The following BTG4 variants were observed in gnomAD, a reference collection of about 807,000 sequenced individuals.
The protein encoded by BTG4 is BTG anti-proliferation factor 4.
Under a neutral mutation model 19.3 loss-of-function variants are expected in BTG4, and 10 were observed. The ratio of observed to expected loss-of-function variants is 0.52; its 90% CI spans 0.32 to 0.88. The LOEUF (loss-of-function observed/expected upper bound fraction) is 0.88. BTG4 is among the 40% of genes least tolerant of loss of function. The pLI, the probability that BTG4 is intolerant of heterozygous loss-of-function variation, is 0.04. For synonymous variants in BTG4, 91 were observed against 95.7 expected (o/e 0.95, Z 0.29); for missense variants, 238 against 281.9 (o/e 0.84, Z 1.11).
At chr11:111,397,145 C>T in the BTG4 span, 2 of 152,200 alleles carry the variant, frequency 1.3e-5, no homozygotes, top group African/African-American at 4.8e-5. Flanking sequence ...ATCCGTATGA[C>T]ACCCATCTCC....
At chr11:111,455,515 AGTG>A in the BTG4 span, 1 of 244,584 alleles carries the variant, frequency 4.1e-6, no homozygotes, top group Non-Finnish European at 8.4e-6. Flanking sequence ...AGGCAGGAGC[AGTG>A]GGCCTCTTTC....
chr11:111,423,471 G>A, the BTG4 span, among the ~76,000 whole-genome samples: 1 of 152,122 alleles, frequency 6.6e-6, no homozygotes, highest in Non-Finnish European at 1.5e-5. Context: ...CCACTGCACC[G>A]ATCTCAAAGC....
intron 5 of BTG4, chr11:111,470,075 C>T (rs775455669): frequency 6.6e-6 from 1 of 152,576 alleles, no homozygotes; most frequent in Admixed American, 6.5e-5. Context: ...ATATTTCTGA[C>T]CTCAAGCCAC....
chr11:111,457,380 G>A, the BTG4 span: 18 of 152,882 alleles, frequency 1.2e-4, no homozygotes, highest in East Asian at 3.9e-4. Context: ...CCTGGGAGTC[G>A]GGTTGGATGA....
At chr11:111,383,856 A>G in the BTG4 span, among the ~76,000 whole-genome samples, 61 of 152,340 alleles carry the variant, frequency 4.0e-4, no homozygotes, top group African/African-American at 1.4e-3. Flanking sequence ...CCAGCTGAGC[A>G]TGGGACAGCT....
chr11:111,481,968 C>T (rs1436712776), intron 5 of BTG4, among the ~76,000 whole-genome samples: 1 of 151,396 alleles, frequency 6.6e-6, no homozygotes, highest in Non-Finnish European at 1.5e-5. Context: ...AAAGTTACAC[C>T]CATGAAAAGC....
At chr11:111,505,633 G>A (rs1345911022) in intron 1 of BTG4, among the ~76,000 whole-genome samples, 1 of 151,650 alleles carries the variant, frequency 6.6e-6, no homozygotes, top group Non-Finnish European at 1.5e-5. Context: ...TAGAGAAATA[G>A]GACATAAACT....
the BTG4 span, chr11:111,397,480 C>G: frequency 4.6e-5 from 7 of 152,290 alleles, no homozygotes; most frequent in African/African-American, 1.7e-4. Context: ...TTCTCTCTGT[C>G]TAGAATGTTC....
chr11:111,386,803 A>G, the BTG4 span, among the ~76,000 whole-genome samples: 936 of 152,344 alleles, frequency 6.1e-3, 16 homozygotes, highest in African/African-American at 0.021. Context: ...GCCTTCAGGC[A>G]ATTTCCCACA....
chr11:111,453,287 G>A, the BTG4 span: 1 of 335,366 alleles, frequency 3.0e-6, no homozygotes, highest in South Asian at 2.4e-5. Flanking sequence ...GTCCAAGCAA[G>A]AGAGGATGAG....
the BTG4 span, among the ~76,000 whole-genome samples, chr11:111,404,184 A>G: frequency 6.6e-6 from 1 of 152,184 alleles, no homozygotes; most frequent in African/African-American, 2.4e-5. Flanking sequence ...GCCACCATGT[A>G]AGACATGCCT....
At chr11:111,424,538 C>A in the BTG4 span, among the ~76,000 whole-genome samples, 98 of 152,274 alleles carry the variant, frequency 6.4e-4, 2 homozygotes, top group East Asian at 0.015. Context: ...TATTTGAGGC[C>A]AATAAACTGA....
upstream of BTG4, chr11:111,514,361 C>A: frequency 4.4e-6 from 1 of 229,778 alleles, no homozygotes; most frequent in South Asian, 6.5e-5. Flanking sequence ...TCCAGCGCAA[C>A]GTTCTCAGAA....
chr11:111,486,063 C>A (rs908642927), intron 5 of BTG4, among the ~76,000 whole-genome samples: 1 of 152,136 alleles, frequency 6.6e-6, no homozygotes, highest in Non-Finnish European at 1.5e-5. Context: ...CTGAATAGAC[C>A]AATAACAAGT....
chr11:111,447,342 G>A, the BTG4 span, among the ~76,000 whole-genome samples: 1 of 152,188 alleles, frequency 6.6e-6, no homozygotes, highest in Non-Finnish European at 1.5e-5. Flanking sequence ...TTTATAAACT[G>A]GGAGAAGAGA....
At chr11:111,489,054 A>AG (rs5794750) in intron 5 of BTG4, among the ~76,000 whole-genome samples, 142,044 of 151,832 alleles carry the variant, frequency 0.94, 67,213 homozygotes, top group South Asian at 1. Context: ...CTGAAGCAGG[A>AG]AATCACTTGA....
At chr11:111,489,645 T>C (rs1865291448) in intron 5 of BTG4, among the ~76,000 whole-genome samples, 1 of 152,138 alleles carries the variant, frequency 6.6e-6, no homozygotes, top group Non-Finnish European at 1.5e-5. Flanking sequence ...TAAAATCCTA[T>C]CATTTACGAA....
intron 5 of BTG4, among the ~76,000 whole-genome samples, chr11:111,489,393 A>G (rs1410326161): frequency 6.6e-6 from 1 of 152,214 alleles, no homozygotes; most frequent in Non-Finnish European, 1.5e-5. Context: ...AAAAAACTAC[A>G]AATAGAACTA....
chr11:111,444,645 CAT>C, the BTG4 span, among the ~76,000 whole-genome samples: 18 of 152,106 alleles, frequency 1.2e-4, no homozygotes, highest in South Asian at 2.1e-4. Flanking sequence ...TTTTTTGACA[CAT>C]GAGATGTTTT....
Sources: allele counts gnomAD v4.1 joint callset (sites outside exome capture counted in the v4.1 genomes callset), GRCh38; gene constraint gnomAD v4.1.1; transcripts MANE v1.5; gene names NCBI Gene and HGNC (gene_info 2026-07-23, HGNC 2026-07-21).